The following CHIC2 variants were observed in gnomAD, a reference collection of about 807,000 sequenced individuals.
CHIC2 encodes the protein cysteine rich hydrophobic domain 2, also known as cysteine-rich hydrophobic domain-containing protein 2.
In CHIC2, 14 loss-of-function variants were observed where a neutral mutation model predicts 25.9. That is an observed-to-expected ratio of 0.54 (90% CI 0.36 to 0.85). The LOEUF (loss-of-function observed/expected upper bound fraction) is 0.85. CHIC2 is among the 40% of genes least tolerant of loss of function. The pLI, the probability that CHIC2 is intolerant of heterozygous loss-of-function variation, is 0.01. For synonymous variants in CHIC2, 70 were observed against 72.0 expected, an observed-to-expected ratio of 0.97 and a Z score of 0.14; for missense variants, 146 against 202.0, an observed-to-expected ratio of 0.72 and a Z score of 1.68.
At chr4:54,067,080 G>A (rs1717533744), upstream of CHIC2, among the ~76,000 whole-genome samples, 1 of 152,192 alleles carries the variant, frequency 6.6e-6, no homozygotes. Flanking sequence ...GAGATACAGT[G>A]TTACTAGTGC....
the CHIC2 span, among the ~76,000 whole-genome samples, chr4:54,080,337 A>G: frequency 0.2 from 30,563 of 151,858 alleles, 3,197 homozygotes; most frequent in South Asian, 0.27. Context: ...GAATCTAAAA[A>G]AATTGAACTC....
intron 3 of CHIC2, among the ~76,000 whole-genome samples, chr4:54,031,612 T>C (rs79085451): frequency 4.6e-5 from 5 of 109,212 alleles, no homozygotes; most frequent in Non-Finnish European, 9.6e-5. Context: ...ATGTACTTGC[T>C]TTTTTTTTTT....
intron 3 of CHIC2, among the ~76,000 whole-genome samples, chr4:54,042,740 G>C (rs955628117): frequency 6.6e-6 from 1 of 151,864 alleles, no homozygotes; most frequent in Admixed American, 6.6e-5. Context: ...GTAGTGCAAA[G>C]GTAATCTGGT....
intron 3 of CHIC2, among the ~76,000 whole-genome samples, chr4:54,032,317 C>A (rs1259669667): frequency 3.4e-5 from 5 of 145,086 alleles, no homozygotes; most frequent in Non-Finnish European, 7.5e-5. Flanking sequence ...TGATGCCGAG[C>A]CGAAGCTGGA....
At position 54,041,020 on chromosome 4, in the gene CHIC2, G is replaced by A. The variant is rs180850938; in HGVS notation, c.330+7935C>T. ...GAACCTCCAACTCCCTGGTTCAAGC[G>A]ATTCTTCTGCCTCAGCCTCCCGAGT... On this transcript the variant is annotated intron_variant, in intron 3 of 5. Transcript: ENST00000263921. Among the ~76,000 whole-genome samples the A allele has an allele frequency of 1.2e-3, 171 of 147,854 alleles. 2 individuals are homozygous for A. The highest frequency in any genetic ancestry group is 4.3e-3 in the South Asian group (19 of 4,456).
At chr4:54,075,199 A>T in the CHIC2 span, among the ~76,000 whole-genome samples, 16 of 152,360 alleles carry the variant, frequency 1.1e-4, no homozygotes, top group South Asian at 2.1e-4. Context: ...GCTCTCAGTG[A>T]CATTAAGCAC....
At chr4:54,031,739 C>T (rs962458056) in intron 3 of CHIC2, among the ~76,000 whole-genome samples, 5 of 151,242 alleles carry the variant, frequency 3.3e-5, no homozygotes, top group Admixed American at 6.6e-5. Context: ...GCTGTCTCAG[C>T]CTTCTGAGTA....
chr4:54,055,131 A>G (rs911723023), intron 1 of CHIC2, among the ~76,000 whole-genome samples: 1 of 152,122 alleles, frequency 6.6e-6, no homozygotes, highest in Non-Finnish European at 1.5e-5. Flanking sequence ...GGGGGAAGAA[A>G]AAAATATATA....
At chr4:54,040,512 C>G (rs1229154477) in intron 3 of CHIC2, among the ~76,000 whole-genome samples, 1 of 151,926 alleles carries the variant, frequency 6.6e-6, no homozygotes, top group African/African-American at 2.4e-5. Context: ...ACCAGCCTGG[C>G]AAACATGGTG....
chr4:54,075,867 A>G, the CHIC2 span, among the ~76,000 whole-genome samples: 1 of 152,202 alleles, frequency 6.6e-6, no homozygotes, highest in Non-Finnish European at 1.5e-5. Context: ...CAGTATTTAC[A>G]TACTGCTTAA....
intron 3 of CHIC2, 149 bp from the exon 4 acceptor site, chr4:54,014,268 T>C (rs1715679531): frequency 1.7e-6 from 1 of 596,858 alleles, no homozygotes; most frequent in African/African-American, 1.9e-5. Flanking sequence ...AAGCACTAAA[T>C]GGTAACCTGA....
chr4:54,060,369 C>T (rs920035173), intron 1 of CHIC2: 1 of 152,064 alleles, frequency 6.6e-6, no homozygotes, highest in Non-Finnish European at 1.5e-5. Flanking sequence ...AAGATTACAC[C>T]TCAGAAGAGA....
At chr4:54,072,077 G>A in the CHIC2 span, among the ~76,000 whole-genome samples, 10 of 151,790 alleles carry the variant, frequency 6.6e-5, no homozygotes, top group Admixed American at 1.3e-4. Flanking sequence ...GGCGAATCAC[G>A]AGGTCAGGAG....
At chr4:54,062,392 A>G (rs911607012) in intron 1 of CHIC2, among the ~76,000 whole-genome samples, 4 of 152,042 alleles carry the variant, frequency 2.6e-5, no homozygotes, top group Non-Finnish European at 4.4e-5. Context: ...ACCCTCACTT[A>G]GTATTTGGCC....
intron 1 of CHIC2, among the ~76,000 whole-genome samples, chr4:54,053,894 G>A (rs1717087539): frequency 6.6e-6 from 1 of 152,100 alleles, no homozygotes; most frequent in Non-Finnish European, 1.5e-5. Context: ...GGGTTCAAGC[G>A]ATTCTCGTGC....
intron 3 of CHIC2, among the ~76,000 whole-genome samples, chr4:54,042,191 TG>T (rs1716599001): frequency 1.3e-5 from 2 of 152,208 alleles, no homozygotes; most frequent in African/African-American, 4.8e-5. Flanking sequence ...AAGTCATGTT[TG>T]TTTATGCTCC....
chr4:54,086,013 G>C, the CHIC2 span, among the ~76,000 whole-genome samples: 2 of 151,672 alleles, frequency 1.3e-5, no homozygotes, highest in South Asian at 4.2e-4. Flanking sequence ...TAACTGGTTA[G>C]AGTCTTTATA....
At chr4:54,024,706 A>G (rs1029283737) in intron 3 of CHIC2, among the ~76,000 whole-genome samples, 26 of 152,174 alleles carry the variant, frequency 1.7e-4, no homozygotes, top group African/African-American at 5.8e-4. Context: ...AAATTCGCCA[A>G]CCAAGCAAGT....
intron 1 of CHIC2, among the ~76,000 whole-genome samples, chr4:54,057,523 T>A (rs1717213362): frequency 6.6e-6 from 1 of 151,964 alleles, no homozygotes; most frequent in South Asian, 2.1e-4. Flanking sequence ...CTCAGAGAGG[T>A]TCTTCCTAAT....
Sources: gnomAD v4.1 joint callset for allele counts (sites outside exome capture counted in the v4.1 genomes callset) on GRCh38, gnomAD v4.1.1 for gene constraint, MANE v1.5 for transcripts, NCBI Gene and HGNC (gene_info 2026-07-23, HGNC 2026-07-21) for gene names.